Variants in SCAPER observed in about 807,000 individuals in gnomAD.
SCAPER encodes the protein S-phase cyclin A associated protein in the ER.
SCAPER carries 98 observed loss-of-function variants against 182.2 expected under a neutral mutation model. The observed-to-expected ratio is 0.54, with a 90% CI of 0.46 to 0.64. The LOEUF is 0.64. Among genes scored for constraint, SCAPER ranks in the 30% least tolerant of loss-of-function variants. SCAPER has a pLI of 0.00. For missense variants in SCAPER, 1,432 were observed against 1,690.0 expected (o/e 0.85, Z 2.68); for synonymous variants, 605 against 564.6 (o/e 1.07, Z -1.01).
chr15:76,723,388 T>C (rs1450880755), intron 17 of SCAPER, among the ~76,000 whole-genome samples: 5 of 152,214 alleles, frequency 3.3e-5, no homozygotes, highest in Non-Finnish European at 7.3e-5. Context: ...TGTGGTGTGC[T>C]GAAAAGAATG....
intron 20 of SCAPER, among the ~76,000 whole-genome samples, chr15:76,697,033 T>C (rs2058689003): frequency 6.6e-6 from 1 of 152,150 alleles, no homozygotes; most frequent in Non-Finnish European, 1.5e-5. Flanking sequence ...TTATCTGAGA[T>C]GTTAAGTTCA....
chr15:76,848,341 T>G lies in SCAPER; in HGVS notation c.196-6410A>C, dbSNP rs1473974900. 2.0e-5 allele frequency among the ~76,000 whole-genome samples: 3 copies of G among 148,066 alleles called. No homozygotes were observed. In the East Asian group the frequency reaches 6.0e-4, roughly 30 times the overall value. ...TTTTGGGGTTTTTTTTTTTTTTTTT[T>G]TTTTTGACACAGAGTCTCGCTCTGT... On this transcript the variant is annotated intron_variant, in intron 4 of 31. Transcript: ENST00000563290.
intron 26 of SCAPER, among the ~76,000 whole-genome samples, chr15:76,426,052 CG>C (rs1567114483): frequency 1.3e-5 from 2 of 152,186 alleles, no homozygotes; most frequent in Non-Finnish European, 2.9e-5. Flanking sequence ...TTAGGCTACT[CG>C]GGGGTCAGGG....
chr15:76,440,098 G>GA (rs1203875579), intron 25 of SCAPER, among the ~76,000 whole-genome samples: 5 of 151,992 alleles, frequency 3.3e-5, no homozygotes, highest in Non-Finnish European at 7.4e-5. Context: ...TTTAGATATA[G>GA]AAAAAAATCT....
At chr15:76,776,757 C>T (rs570083355) in intron 8 of SCAPER, among the ~76,000 whole-genome samples, 6 of 152,080 alleles carry the variant, frequency 3.9e-5, no homozygotes, top group South Asian at 2.1e-4. Flanking sequence ...CTTATAAAAC[C>T]GGTAGGAGGA....
chr15:76,667,573 C>T (rs1273178909), intron 20 of SCAPER, among the ~76,000 whole-genome samples: 4 of 130,518 alleles, frequency 3.1e-5, no homozygotes, highest in Non-Finnish European at 3.1e-5. Flanking sequence ...TGCAGTGAGC[C>T]GAGATGGTGC....
intron 20 of SCAPER, among the ~76,000 whole-genome samples, chr15:76,676,725 A>G (rs1300362782): frequency 6.6e-6 from 1 of 151,700 alleles, no homozygotes; most frequent in African/African-American, 2.4e-5. Context: ...TATAATGTTA[A>G]ATAGAAATTC....
intron 20 of SCAPER, among the ~76,000 whole-genome samples, chr15:76,689,278 G>A (rs1431007276): frequency 2.6e-5 from 4 of 152,160 alleles, no homozygotes; most frequent in East Asian, 1.9e-4. Context: ...CAACTGAGAC[G>A]GGGTAGAGGG....
intron 16 of SCAPER, among the ~76,000 whole-genome samples, chr15:76,730,032 T>C (rs1846607357): frequency 6.6e-6 from 1 of 152,134 alleles, no homozygotes; most frequent in African/African-American, 2.4e-5. Flanking sequence ...TTAAAGAGCC[T>C]CAGTTGATTG....
At chr15:76,746,775 G>C (rs975472124) in intron 15 of SCAPER, among the ~76,000 whole-genome samples, 1 of 152,100 alleles carries the variant, frequency 6.6e-6, no homozygotes, top group Non-Finnish European at 1.5e-5. Context: ...ATTTATAATT[G>C]CATCCAAAAG....
At chr15:76,482,978 T>C (rs920652248) in intron 24 of SCAPER, among the ~76,000 whole-genome samples, 14 of 152,224 alleles carry the variant, frequency 9.2e-5, no homozygotes, top group Middle Eastern at 3.4e-3. Flanking sequence ...AGTTACTCCA[T>C]TGATACTGAT....
intron 20 of SCAPER, among the ~76,000 whole-genome samples, chr15:76,690,346 G>A (rs946837191): frequency 1.3e-5 from 2 of 152,036 alleles, no homozygotes; most frequent in African/African-American, 2.4e-5. Context: ...CCTCAAAACC[G>A]ATAGGGCCAT....
chr15:76,481,289 G>A (rs530877245), intron 24 of SCAPER, among the ~76,000 whole-genome samples: 6 of 152,226 alleles, frequency 3.9e-5, no homozygotes, highest in South Asian at 4.1e-4. Flanking sequence ...ACTTATAAAA[G>A]TTATTTTATT....
At chr15:76,731,201 T>C (rs993345466) in intron 16 of SCAPER, among the ~76,000 whole-genome samples, 1 of 152,174 alleles carries the variant, frequency 6.6e-6, no homozygotes, top group African/African-American at 2.4e-5. Flanking sequence ...AGCAAAGGAA[T>C]TAGAAATATA....
chr15:76,401,492 T>A (rs1029422953), intron 27 of SCAPER, among the ~76,000 whole-genome samples: 6 of 152,222 alleles, frequency 3.9e-5, no homozygotes, highest in Admixed American at 2.6e-4. Context: ...ATTCCAGTCA[T>A]CTCTGTGCTT....
At chr15:76,898,260 A>C (rs2074543757) in intron 1 of SCAPER, among the ~76,000 whole-genome samples, 1 of 152,210 alleles carries the variant, frequency 6.6e-6, no homozygotes, top group Non-Finnish European at 1.5e-5. Context: ...CAACTGTTGG[A>C]GAAGATGTGG....
chr15:76,563,540 C>CA (rs1319503670), intron 23 of SCAPER, among the ~76,000 whole-genome samples: 3 of 151,782 alleles, frequency 2.0e-5, no homozygotes, highest in African/African-American at 7.3e-5. Flanking sequence ...GCCAATCAAC[C>CA]AAAAAAAGCC....
At chr15:76,794,461 G>A (rs553821676) in intron 8 of SCAPER, among the ~76,000 whole-genome samples, 6 of 151,856 alleles carry the variant, frequency 4.0e-5, no homozygotes, top group Non-Finnish European at 7.4e-5. Flanking sequence ...GTATGAAGAG[G>A]GGCAATATAT....
chr15:76,816,375 A>T (rs140769309), intron 5 of SCAPER, among the ~76,000 whole-genome samples: 1 of 151,964 alleles, frequency 6.6e-6, no homozygotes, highest in African/African-American at 2.4e-5. Context: ...TTTCCTTTTT[A>T]ACTTTTGTTA....
Sources: allele counts gnomAD v4.1 joint callset (sites outside exome capture counted in the v4.1 genomes callset), GRCh38; gene constraint gnomAD v4.1.1; transcripts MANE v1.5; gene names NCBI Gene and HGNC (gene_info 2026-07-23, HGNC 2026-07-21).